STEAP4: variants seen among roughly 807,000 people sequenced by gnomAD.
STEAP4 encodes STEAP4 metalloreductase.
STEAP4 carries 36 observed loss-of-function variants against 43.6 expected under a neutral mutation model. The ratio of observed to expected loss-of-function variants is 0.83; its 90% CI spans 0.63 to 1.09. STEAP4 has a LOEUF of 1.09. Among genes scored for constraint, STEAP4 ranks in the 50% least tolerant of loss-of-function variants. The probability of loss-of-function intolerance (pLI) is 0.00; values close to 1 mark genes in which losing one functional copy is unlikely to be tolerated. For missense variants in STEAP4, 495 were observed against 546.5 expected (o/e 0.91, Z 0.94); for synonymous variants, 191 against 196.7 (o/e 0.97, Z 0.24).
At chr7:88,295,989 T>G (rs1250187396) in intron 1 of STEAP4, among the ~76,000 whole-genome samples, 1 of 152,060 alleles carries the variant, frequency 6.6e-6, no homozygotes, top group Non-Finnish European at 1.5e-5. Flanking sequence ...ATGAGTATGT[T>G]TTGAGTGTGC....
Position 88,274,003 on chromosome 7 carries a change from C to T in STEAP4, c.*5395G>A, listed in dbSNP as rs754780646. 7 of 152,134 alleles carry T rather than the reference C, an allele frequency of 4.6e-5. No homozygotes were observed. Among genetic ancestry groups the T allele is most frequent in the Admixed American group, 1.3e-4 (2 of 15,274 alleles). 9.4% of individuals were successfully genotyped at this position (152,134 alleles called of 1,614,324 possible). On this transcript the variant is annotated 3_prime_UTR_variant, in exon 5 of 5. Transcript: ENST00000380079. ...TTTTTAAGAAGAGTTGCAGTGGTTTCGTTCACTTAGTCTATTTTGTGGATT... is the reference window on the plus strand; with the variant it reads ...TTTTTAAGAAGAGTTGCAGTGGTTTTGTTCACTTAGTCTATTTTGTGGATT...
At chr7:88,288,182 T>C (rs975948878) in intron 1 of STEAP4, among the ~76,000 whole-genome samples, 5 of 152,210 alleles carry the variant, frequency 3.3e-5, no homozygotes, top group African/African-American at 1.2e-4. Flanking sequence ...TATTTATTTA[T>C]TTTGTGAGAC....
At chr7:88,286,764 A>AACACACACACAC (rs61360123) in intron 1 of STEAP4, among the ~76,000 whole-genome samples, 3 of 133,766 alleles carry the variant, frequency 2.2e-5, no homozygotes, top group African/African-American at 8.3e-5. Flanking sequence ...CATACATATA[A>AACACACACACAC]ACACACACAC....
rs1251720493 is a variant in STEAP4 at position 88,276,800 on chromosome 7, A to C, written c.*2598T>G. Reference sequence around the variant, plus strand: ...TTGGTCAGCTGGTGGGGCTTGGAGCACTTGTGGTTGGGGCCAAAGGTCAGG... The same window carrying C: ...TTGGTCAGCTGGTGGGGCTTGGAGCCCTTGTGGTTGGGGCCAAAGGTCAGG... On this transcript the variant is annotated 3_prime_UTR_variant, in exon 5 of 5. Coordinates refer to ENST00000380079, the MANE Select transcript of STEAP4 (RefSeq NM_024636.4). 6.5e-6 allele frequency: 1 copy of C among 152,734 alleles called. No homozygotes were observed. Among genetic ancestry groups the C allele is most frequent in the East Asian group, 1.9e-4 (1 of 5,198 alleles). 9.5% of individuals were successfully genotyped at this position (152,734 alleles called of 1,614,324 possible).
At chr7:88,283,698 A>C (rs1852670748) in intron 2 of STEAP4, 116 bp downstream of exon 2, 22 of 1,161,192 alleles carry the variant, frequency 1.9e-5, no homozygotes, top group Non-Finnish European at 2.6e-5. Flanking sequence ...ACATATTAGC[A>C]AAATGTAATA....
At chr7:88,306,687 C>T (rs1407806472) in intron 1 of STEAP4, 105 bp downstream of exon 1, 3 of 152,616 alleles carry the variant, frequency 2.0e-5, no homozygotes, top group Non-Finnish European at 4.4e-5. Flanking sequence ...TTGCAAGCAC[C>T]TGTTCTTCAG....
intron 1 of STEAP4, among the ~76,000 whole-genome samples, chr7:88,285,884 G>C (rs1852725135): frequency 6.6e-6 from 1 of 152,036 alleles, no homozygotes; most frequent in African/African-American, 2.4e-5. Context: ...TCAGGTCAAT[G>C]AGAAAACAGA....
At chr7:88,291,769 A>G (rs903881958) in intron 1 of STEAP4, among the ~76,000 whole-genome samples, 4 of 152,234 alleles carry the variant, frequency 2.6e-5, no homozygotes, top group African/African-American at 9.6e-5. Context: ...AAGAAGAGTT[A>G]TTAAGGGAAA....
At chr7:88,283,574 C>T in intron 2 of STEAP4, 1 of 569,476 alleles carries the variant, frequency 1.8e-6, no homozygotes, top group South Asian at 2.2e-5. Context: ...GACAAGAAGC[C>T]TCCAGAGGCT....
chr7:88,286,408 A>G (rs975267011), intron 1 of STEAP4, among the ~76,000 whole-genome samples: 1 of 152,206 alleles, frequency 6.6e-6, no homozygotes, highest in Non-Finnish European at 1.5e-5. Flanking sequence ...TAAGCCTAAT[A>G]TATCTTTTTG....
intron 1 of STEAP4, chr7:88,291,120 AG>A (rs765149468): frequency 2.0e-5 from 3 of 152,116 alleles, no homozygotes; most frequent in Non-Finnish European, 2.9e-5. Context: ...TTACAAATTA[AG>A]GGTTAATTAT....
chr7:88,289,458 T>A (rs1024123178), intron 1 of STEAP4, among the ~76,000 whole-genome samples: 8 of 152,246 alleles, frequency 5.3e-5, no homozygotes, highest in African/African-American at 1.7e-4. Context: ...TTCATGCAGA[T>A]TGCACAGTGT....
chr7:88,303,208 A>AT (rs1554544063), intron 1 of STEAP4, among the ~76,000 whole-genome samples: 1 of 144,872 alleles, frequency 6.9e-6, no homozygotes. Flanking sequence ...AAAAAAAAAA[A>AT]ACTCCAACCG....
In STEAP4 at chr7:88,272,307, G is replaced by A. The variant is rs1224611310; in HGVS notation, c.*7091C>T. 1.3e-5 allele frequency: 2 copies of A among 152,232 alleles called. No individual in the cohort carries two copies. Among genetic ancestry groups the A allele is most frequent in the African/African-American group, 4.8e-5 (2 of 41,438 alleles). 9.4% of individuals were successfully genotyped at this position (152,232 alleles called of 1,614,324 possible). On this transcript the variant is annotated 3_prime_UTR_variant, in exon 5 of 5. Coordinates refer to ENST00000380079, the MANE Select transcript of STEAP4 (RefSeq NM_024636.4). Reference sequence around the variant, plus strand: ...TGACACTGTCTTCCAGACTTTCCCAGCAAAACTGAGCTCCAGTTGCCCAGA... The same window carrying A: ...TGACACTGTCTTCCAGACTTTCCCAACAAAACTGAGCTCCAGTTGCCCAGA...
intron 1 of STEAP4, among the ~76,000 whole-genome samples, chr7:88,288,513 G>T (rs1485380853): frequency 2.6e-5 from 4 of 152,110 alleles, no homozygotes; most frequent in Non-Finnish European, 5.9e-5. Context: ...AGAACTAGAA[G>T]AAACCATGGA....
intron 1 of STEAP4, chr7:88,304,162 ACAT>A (rs1853087864): frequency 6.6e-6 from 1 of 152,132 alleles, no homozygotes; most frequent in Non-Finnish European, 1.5e-5. Flanking sequence ...AGGAAGGGGA[ACAT>A]CACACTCTGG....
intron 1 of STEAP4, among the ~76,000 whole-genome samples, chr7:88,293,304 G>A (rs1300939111): frequency 6.6e-6 from 1 of 151,976 alleles, no homozygotes; most frequent in East Asian, 1.9e-4. Context: ...TAATTGGACT[G>A]TTTGGGTTTA....
intron 1 of STEAP4, among the ~76,000 whole-genome samples, chr7:88,290,641 C>G (rs904467004): frequency 6.6e-6 from 1 of 152,150 alleles, no homozygotes; most frequent in Non-Finnish European, 1.5e-5. Context: ...ATCTCCAGAA[C>G]GCTATGCTGA....
At chr7:88,289,197 G>C (rs542740906) in intron 1 of STEAP4, among the ~76,000 whole-genome samples, 5 of 152,202 alleles carry the variant, frequency 3.3e-5, no homozygotes, top group Admixed American at 3.3e-4. Context: ...TATTAAAAGG[G>C]TGGGATGAAG....
Sources: allele counts gnomAD v4.1 joint callset (sites outside exome capture counted in the v4.1 genomes callset), GRCh38; gene constraint gnomAD v4.1.1; transcripts MANE v1.5; gene names NCBI Gene and HGNC (gene_info 2026-07-23, HGNC 2026-07-21).